Variants in B3GALT1 observed in about 807,000 individuals in gnomAD.
The protein encoded by B3GALT1 is beta-1,3-galactosyltransferase 1, also known as UDP-Gal:betaGlcNAc beta 1,3-galactosyltransferase, polypeptide 1.
A neutral mutation model predicts 23.2 loss-of-function variants in B3GALT1; 10 were observed. That is an observed-to-expected ratio of 0.43 (90% CI 0.27 to 0.73). B3GALT1 has a LOEUF of 0.73. B3GALT1 is among the 30% of genes least tolerant of loss of function. B3GALT1 has a pLI of 0.21. For synonymous variants in B3GALT1, 156 were observed against 141.5 expected (o/e 1.10, Z -0.73); for missense variants, 299 against 405.4 (o/e 0.74, Z 2.25).
rs77819042 is a variant in B3GALT1 at position 167,384,083 on chromosome 2, A to C, written c.-511+90749A>C. 1.2e-3 allele frequency among the ~76,000 whole-genome samples: 176 copies of C among 152,348 alleles called. 1 individual carries two copies. The East Asian group carries it at 0.018, about 16-fold the overall frequency. ...CTTCAGTAACCAGCGATTTGAACTA[A>C]AGCAAGCCTTTCCATTTTAGTTTTA... On this transcript the variant is annotated intron_variant, in intron 1 of 4. Transcript: ENST00000392690.
chr2:167,867,147 C>T (rs532270922), intron 4 of B3GALT1, among the ~76,000 whole-genome samples: 81 of 152,222 alleles, frequency 5.3e-4, no homozygotes, highest in East Asian at 2.9e-3. Flanking sequence ...AGGATGGTCT[C>T]GATCTCCTGA....
intron 3 of B3GALT1, among the ~76,000 whole-genome samples, chr2:167,753,638 C>A (rs1687772987): frequency 6.6e-6 from 1 of 152,140 alleles, no homozygotes; most frequent in African/African-American, 2.4e-5. Flanking sequence ...ATGGACTCAC[C>A]AAATGGTTTG....
intron 3 of B3GALT1, among the ~76,000 whole-genome samples, chr2:167,778,429 G>A (rs1688198048): frequency 2.0e-5 from 3 of 151,044 alleles, no homozygotes; most frequent in East Asian, 1.9e-4. Context: ...AGGGTTTATT[G>A]TAATCCTCTA....
intron 3 of B3GALT1, among the ~76,000 whole-genome samples, chr2:167,652,105 G>C (rs896745045): frequency 6.6e-6 from 1 of 152,142 alleles, no homozygotes; most frequent in African/African-American, 2.4e-5. Flanking sequence ...TGAACATATT[G>C]GGGGGAAGCA....
At chr2:167,472,508 G>A (rs1699431310) in intron 1 of B3GALT1, among the ~76,000 whole-genome samples, 1 of 152,038 alleles carries the variant, frequency 6.6e-6, no homozygotes, top group Non-Finnish European at 1.5e-5. Context: ...ATCCATCTTG[G>A]TAGCTCTTAG....
intron 1 of B3GALT1, among the ~76,000 whole-genome samples, chr2:167,333,692 T>C (rs1322181543): frequency 1.3e-5 from 2 of 152,172 alleles, no homozygotes; most frequent in Non-Finnish European, 2.9e-5. Flanking sequence ...AACTGGACAA[T>C]ATCGTAAGAA....
chr2:167,328,636 C>T (rs1246715314), intron 1 of B3GALT1, among the ~76,000 whole-genome samples: 1 of 151,726 alleles, frequency 6.6e-6, no homozygotes, highest in Non-Finnish European at 1.5e-5. Context: ...TTAATTTTAT[C>T]TTTTTGAAGA....
At chr2:167,639,262 C>G (rs570299069) in intron 2 of B3GALT1, among the ~76,000 whole-genome samples, 1 of 152,070 alleles carries the variant, frequency 6.6e-6, no homozygotes, top group South Asian at 2.1e-4. Context: ...ATTGTAAAAT[C>G]CAGCCTAAGA....
chr2:167,489,706 A>G (rs73972278), intron 1 of B3GALT1, among the ~76,000 whole-genome samples: 3,038 of 152,218 alleles, frequency 0.02, 86 homozygotes, highest in African/African-American at 0.069. Flanking sequence ...ACTTAGGCAT[A>G]GGAGATTAGG....
At chr2:167,583,923 A>G (rs1358458396) in intron 2 of B3GALT1, among the ~76,000 whole-genome samples, 1 of 152,088 alleles carries the variant, frequency 6.6e-6, no homozygotes, top group Non-Finnish European at 1.5e-5. Flanking sequence ...CCATGCCTCT[A>G]AAAACAACTG....
At chr2:167,808,486 C>G (rs1688809684) in intron 3 of B3GALT1, among the ~76,000 whole-genome samples, 1 of 151,658 alleles carries the variant, frequency 6.6e-6, no homozygotes, top group Admixed American at 6.6e-5. Context: ...CTGGTGGTGA[C>G]AAAATCTCTC....
At chr2:167,362,795 A>G (rs910090703) in intron 1 of B3GALT1, among the ~76,000 whole-genome samples, 3 of 152,246 alleles carry the variant, frequency 2.0e-5, no homozygotes, top group Non-Finnish European at 2.9e-5. Context: ...TCATAGCAAG[A>G]TGAATAAGGC....
At chr2:167,811,801 T>C (rs940380129) in intron 3 of B3GALT1, among the ~76,000 whole-genome samples, 7 of 152,184 alleles carry the variant, frequency 4.6e-5, no homozygotes, top group Non-Finnish European at 1.0e-4. Flanking sequence ...GATATATAAT[T>C]CCTGGATATA....
intron 4 of B3GALT1, among the ~76,000 whole-genome samples, chr2:167,842,517 G>A (rs375984091): frequency 2.6e-5 from 4 of 152,152 alleles, no homozygotes; most frequent in South Asian, 2.1e-4. Flanking sequence ...CACCTAGATT[G>A]CTAATAAGTT....
At chr2:167,537,825 C>CTT (rs530916294) in intron 2 of B3GALT1, among the ~76,000 whole-genome samples, 2,170 of 132,888 alleles carry the variant, frequency 0.016, 27 homozygotes, top group African/African-American at 0.021. Context: ...GATGCTTGTT[C>CTT]TTTTTTTTTT....
At chr2:167,734,404 C>T (rs1350845138) in intron 3 of B3GALT1, among the ~76,000 whole-genome samples, 1 of 152,202 alleles carries the variant, frequency 6.6e-6, no homozygotes, top group East Asian at 1.9e-4. Flanking sequence ...AATTTCCAGG[C>T]CACTTTTGCT....
chr2:167,774,979 T>G (rs1398992431), intron 3 of B3GALT1, among the ~76,000 whole-genome samples: 1 of 152,238 alleles, frequency 6.6e-6, no homozygotes, highest in Non-Finnish European at 1.5e-5. Flanking sequence ...TGTTTAATGC[T>G]GATGAGATTA....
intron 3 of B3GALT1, among the ~76,000 whole-genome samples, chr2:167,742,302 C>A (rs940789648): frequency 6.6e-6 from 1 of 152,112 alleles, no homozygotes; most frequent in Non-Finnish European, 1.5e-5. Context: ...ATGCAGAGTA[C>A]ACTGCAGTGT....
intron 1 of B3GALT1, among the ~76,000 whole-genome samples, chr2:167,489,171 A>C (rs938351059): frequency 2.0e-5 from 3 of 152,226 alleles, no homozygotes; most frequent in Non-Finnish European, 4.4e-5. Context: ...GCAGATCAAG[A>C]GGGGCACATT....
Sources: allele counts gnomAD v4.1 joint callset (sites outside exome capture counted in the v4.1 genomes callset), GRCh38; gene constraint gnomAD v4.1.1; transcripts MANE v1.5; gene names NCBI Gene and HGNC (gene_info 2026-07-23, HGNC 2026-07-21).